TANC1: variants seen among roughly 807,000 people sequenced by gnomAD.
TANC1 encodes the protein tetratricopeptide repeat, ankyrin repeat and coiled-coil containing 1.
A neutral mutation model predicts 149.7 loss-of-function variants in TANC1; 77 were observed. That is an observed-to-expected ratio of 0.51 (90% CI 0.43 to 0.62). The LOEUF (loss-of-function observed/expected upper bound fraction) is 0.62, where lower values mean the gene tolerates loss of function less well. Among genes scored for constraint, TANC1 ranks in the 20% least tolerant of loss-of-function variants. The pLI, the probability that TANC1 is intolerant of heterozygous loss-of-function variation, is 0.00. For synonymous variants in TANC1, 854 were observed against 925.0 expected, an observed-to-expected ratio of 0.92 and a Z score of 1.39; for missense variants, 1,985 against 2,321.8, an observed-to-expected ratio of 0.85 and a Z score of 2.98.
chr2:158,977,453 G>A (rs2033821889), intron 1 of TANC1, among the ~76,000 whole-genome samples: 1 of 152,004 alleles, frequency 6.6e-6, no homozygotes, highest in Admixed American at 6.6e-5. Flanking sequence ...TGGGATTACA[G>A]GTGTGCACCA....
At chr2:159,040,202 T>C (rs976355753) in intron 2 of TANC1, among the ~76,000 whole-genome samples, 25 of 152,324 alleles carry the variant, frequency 1.6e-4, no homozygotes, top group African/African-American at 6.0e-4. Flanking sequence ...TCCATTTGCT[T>C]GGTAGATCTT....
intron 2 of TANC1, among the ~76,000 whole-genome samples, chr2:159,055,249 G>T (rs962702604): frequency 6.6e-6 from 1 of 152,236 alleles, no homozygotes; most frequent in Non-Finnish European, 1.5e-5. Flanking sequence ...TGTGAGAGGA[G>T]GAGACCACGA....
At chr2:158,985,641 C>T (rs1254903068) in intron 1 of TANC1, among the ~76,000 whole-genome samples, 1 of 151,670 alleles carries the variant, frequency 6.6e-6, no homozygotes, top group Non-Finnish European at 1.5e-5. Flanking sequence ...CTGGGCCCAC[C>T]TTTTTTTTCC....
At chr2:159,011,527 ATTT>A (rs10586189) in intron 2 of TANC1, among the ~76,000 whole-genome samples, 13,136 of 106,498 alleles carry the variant, frequency 0.12, 408 homozygotes, top group East Asian at 0.22. Flanking sequence ...TACACCTTAA[ATTT>A]TTTTTTTTTT....
At chr2:159,228,513 C>T (rs1449222997) in intron 25 of TANC1, 8 of 415,600 alleles carry the variant, frequency 1.9e-5, no homozygotes, top group Admixed American at 4.1e-5. Context: ...AGTGTCTGCG[C>T]TCCTCTCTGA....
chr2:159,004,831 A>C (rs1033049065), intron 2 of TANC1, among the ~76,000 whole-genome samples: 1 of 152,140 alleles, frequency 6.6e-6, no homozygotes, highest in African/African-American at 2.4e-5. Context: ...CACACACACA[A>C]ATATAGGGTG....
intron 1 of TANC1, among the ~76,000 whole-genome samples, chr2:158,989,359 A>G (rs1349185822): frequency 2.0e-5 from 3 of 152,026 alleles, no homozygotes; most frequent in East Asian, 3.9e-4. Flanking sequence ...CAGTCCCAGC[A>G]CTGTGGGAGG....
intron 3 of TANC1, among the ~76,000 whole-genome samples, chr2:159,070,974 A>C (rs1403219373): frequency 1.1e-4 from 17 of 152,166 alleles, no homozygotes; most frequent in Admixed American, 1.1e-3. Flanking sequence ...GATGTAATTA[A>C]AGCTCACAGT....
intron 2 of TANC1, among the ~76,000 whole-genome samples, chr2:159,042,291 C>T (rs1202493319): frequency 3.9e-5 from 6 of 152,166 alleles, no homozygotes; most frequent in South Asian, 4.1e-4. Flanking sequence ...CACATGATCC[C>T]GTTCTTTCTG....
At chr2:159,175,247 C>G (rs1381653359) in intron 12 of TANC1, 63 bp downstream of exon 12, 1 of 1,403,696 alleles carries the variant, frequency 7.1e-7, no homozygotes, top group African/African-American at 1.4e-5. Context: ...CAGGTGGTCC[C>G]CAGAAGGCAG....
intron 17 of TANC1, among the ~76,000 whole-genome samples, 153 bp downstream of exon 17, chr2:159,194,646 G>T (rs995195623): frequency 2.0e-5 from 3 of 152,198 alleles, no homozygotes; most frequent in African/African-American, 7.2e-5. Context: ...TTTGTAATGT[G>T]GCAGCCTCAG....
chr2:159,136,892 A>C (rs1042417974), intron 5 of TANC1, among the ~76,000 whole-genome samples: 1 of 151,928 alleles, frequency 6.6e-6, no homozygotes, highest in South Asian at 2.1e-4. Flanking sequence ...ACAAATTTGC[A>C]GCATTTAACA....
intron 2 of TANC1, among the ~76,000 whole-genome samples, chr2:159,003,746 C>T (rs575619696): frequency 8.5e-5 from 13 of 152,328 alleles, no homozygotes; most frequent in African/African-American, 2.2e-4. Flanking sequence ...CTGCCGCTGC[C>T]GCAGTCGTCG....
intron 1 of TANC1, among the ~76,000 whole-genome samples, chr2:158,974,899 A>ATTT (rs1223932329): frequency 7.0e-6 from 1 of 142,996 alleles, no homozygotes; most frequent in African/African-American, 2.6e-5. Context: ...CACCCAGCTA[A>ATTT]TTTTTGTATT....
intron 22 of TANC1, among the ~76,000 whole-genome samples, chr2:159,221,359 C>A (rs972329672): frequency 1.3e-5 from 2 of 152,036 alleles, no homozygotes; most frequent in African/African-American, 4.8e-5. Context: ...CCAGCCTGGG[C>A]AACAGAGTGA....
At chr2:158,991,353 G>C (rs946353156) in intron 1 of TANC1, among the ~76,000 whole-genome samples, 1 of 152,048 alleles carries the variant, frequency 6.6e-6, no homozygotes, top group Non-Finnish European at 1.5e-5. Flanking sequence ...ACGATAGAGT[G>C]GAATGCAGAT....
intron 1 of TANC1, among the ~76,000 whole-genome samples, chr2:158,971,616 A>G (rs899467066): frequency 3.9e-5 from 6 of 152,202 alleles, no homozygotes; most frequent in African/African-American, 1.4e-4. Context: ...TTCACTGTAC[A>G]AAGAACTCTT....
intron 2 of TANC1, among the ~76,000 whole-genome samples, chr2:159,036,673 T>C (rs1358008759): frequency 3.9e-5 from 6 of 152,266 alleles, no homozygotes; most frequent in Non-Finnish European, 7.3e-5. Flanking sequence ...TCCATGTTCC[T>C]ACAAAGGACA....
At chr2:159,164,018 A>G (rs2054320825) in intron 8 of TANC1, among the ~76,000 whole-genome samples, 1 of 152,240 alleles carries the variant, frequency 6.6e-6, no homozygotes, top group Non-Finnish European at 1.5e-5. Flanking sequence ...AATGGAGCTC[A>G]CGGCTTAAAA....
Sources: gnomAD v4.1 joint callset for allele counts (sites outside exome capture counted in the v4.1 genomes callset) on GRCh38, gnomAD v4.1.1 for gene constraint, MANE v1.5 for transcripts, NCBI Gene and HGNC (gene_info 2026-07-23, HGNC 2026-07-21) for gene names.